PAXIP1: variants seen among roughly 807,000 people sequenced by gnomAD.
PAXIP1 encodes the protein PAX-interacting protein 1.
In PAXIP1, 19 loss-of-function variants were observed where a neutral mutation model predicts 140.6. The observed-to-expected ratio is 0.14, with a 90% CI of 0.09 to 0.20. The LOEUF is 0.20. PAXIP1 is among the 10% of genes least tolerant of loss of function. PAXIP1 has a pLI of 1.00. For missense variants in PAXIP1, 920 were observed against 1,208.6 expected, an observed-to-expected ratio of 0.76 and a Z score of 3.54; for synonymous variants, 442 against 444.6, an observed-to-expected ratio of 0.99 and a Z score of 0.07.
chr7:154,953,550 A>C (rs1438009364), intron 16 of PAXIP1, among the ~76,000 whole-genome samples: 1 of 152,146 alleles, frequency 6.6e-6, no homozygotes, highest in African/African-American at 2.4e-5. Context: ...GGAAGCTGAG[A>C]GGTGCCTGAC....
rs1004173015 is a variant in PAXIP1 at position 154,973,831 on chromosome 7, G to A, written c.1074+1865C>T. ...GTGGAGAATACTGGATCCGGCTTCA[G>A]GTTGTTCCTATATGCTACAGAGCCA... On this transcript the variant is annotated intron_variant, in intron 6 of 20. Coordinates refer to ENST00000404141, the MANE Select transcript of PAXIP1 (RefSeq NM_007349.4). This position sits in a 1 kb window ranked among gnomAD's most constrained non-coding sequence, Gnocchi z 4.0. 1.3e-5 allele frequency among the ~76,000 whole-genome samples: 2 copies of A among 152,222 alleles called. No homozygotes were observed. The highest frequency in any genetic ancestry group is 2.4e-5 in the African/African-American group (1 of 41,456).
rs539498699 is a variant in PAXIP1 at position 154,986,629 on chromosome 7, G to A, written c.325-3297C>T. ...ATTTTTTAGCAACCACAAAATATTA[G>A]TGCTCCCAATGCACTTTTCTTAAAC... On this transcript the variant is annotated intron_variant, in intron 4 of 20. Coordinates refer to ENST00000404141, the MANE Select transcript of PAXIP1 (RefSeq NM_007349.4). The surrounding 1 kb of genome is among the most constrained non-coding windows in gnomAD (Gnocchi z 4.8). Among the ~76,000 whole-genome samples the A allele has an allele frequency of 6.6e-6, 1 of 152,220 alleles. No homozygotes were observed. Among genetic ancestry groups the A allele is most frequent in the South Asian group, 2.1e-4 (1 of 4,828 alleles).
intron 16 of PAXIP1, among the ~76,000 whole-genome samples, chr7:154,953,388 T>G (rs1431874991): frequency 1.3e-5 from 2 of 152,068 alleles, no homozygotes; most frequent in Non-Finnish European, 2.9e-5. Context: ...CATGATGGAG[T>G]AGCCAGGGAG....
rs140775937 is a variant in PAXIP1 at position 154,964,530 on chromosome 7, A to C, written c.1894-764T>G. ...TATAGTTTAATGAGGCACAGGACAA[A>C]ACCACAGGTTCCTCACCCATCCCTG... is the stretch of plus-strand genomic sequence containing the variant. On this transcript the variant is annotated intron_variant, in intron 8 of 20. Coordinates refer to ENST00000404141, the MANE Select transcript of PAXIP1 (RefSeq NM_007349.4). 663 of 152,326 alleles carry C rather than the reference A, an allele frequency of 4.4e-3. 5 individuals are homozygous for C. Among genetic ancestry groups the C allele is most frequent in the South Asian group, 0.021 (101 of 4,834 alleles). 9.4% of individuals were successfully genotyped at this position (152,326 alleles called of 1,614,324 possible). A position where few individuals can be genotyped will look rare whatever the true frequency, so the allele number is the denominator to read the frequency against.
chr7:155,000,994 T>C (rs757735600), intron 1 of PAXIP1: 1 of 152,130 alleles, frequency 6.6e-6, no homozygotes, highest in Non-Finnish European at 1.5e-5. Context: ...CCCCCACCAA[T>C]GAGGGGCGCT....
chr7:154,972,747 T>C (rs1418468155), intron 6 of PAXIP1, among the ~76,000 whole-genome samples: 2 of 152,248 alleles, frequency 1.3e-5, no homozygotes, highest in Non-Finnish European at 2.9e-5. Flanking sequence ...ATCCCACTGC[T>C]GACAGGACAG....
chr7:154,982,106 A>G (rs1809865212), intron 5 of PAXIP1, among the ~76,000 whole-genome samples: 1 of 152,248 alleles, frequency 6.6e-6, no homozygotes, highest in Admixed American at 6.5e-5. Context: ...TTTGCTATAA[A>G]TCAACATTAA....
chr7:154,962,251 C>T, intron 10 of PAXIP1, 70 bp downstream of exon 10: 1 of 1,560,528 alleles, frequency 6.4e-7, no homozygotes, highest in South Asian at 1.1e-5. Context: ...CTCAGGTAAG[C>T]ACTAGCAAGT....
rs976702759 is a variant in PAXIP1, at chr7:155,002,336, C to G, written c.81+513G>C. Among the ~76,000 whole-genome samples the G allele has an allele frequency of 9.8e-5, 15 of 152,302 alleles. No individual in the cohort carries two copies. In the South Asian group the frequency reaches 2.9e-3, roughly 29 times the overall value. On this transcript the variant is annotated intron_variant, in intron 1 of 20. Transcript: ENST00000404141. ...TCCTCAGCCCCGCACAGGACGGCAG[C>G]TGCCCGGGTGGCGGAGGCGGCCAAG...
In PAXIP1 at chr7:154,963,047, A is replaced by AGGAG. The variant is rs1808832518; in HGVS notation, c.1990-590_1990-589insCTCC. ...AAAGCCTGCACCCCGGTAGTTTTAG[A>AGGAG]AAAGCTCTGTAAGGGACCTGGTCTT... On this transcript the variant is annotated intron_variant, in intron 9 of 20. Transcript: ENST00000404141. The surrounding 1 kb of genome is among the most constrained non-coding windows in gnomAD (Gnocchi z 4.1). 6.6e-6 allele frequency among the ~76,000 whole-genome samples: 1 copy of AGGAG among 152,224 alleles called. No individual in the cohort carries two copies. Among genetic ancestry groups the AGGAG allele is most frequent in the African/African-American group, 2.4e-5 (1 of 41,460 alleles).
intron 11 of PAXIP1, 58 bp downstream of exon 11, chr7:154,961,469 A>G: frequency 7.3e-7 from 1 of 1,379,144 alleles, no homozygotes; most frequent in Non-Finnish European, 9.8e-7. Context: ...AATTATTGAA[A>G]TAGCCACTAT....
chr7:154,959,909 A>G lies in PAXIP1; in HGVS notation c.2459T>C (p.Val820Ala), dbSNP rs1368997916. Residue 820 changes from valine to alanine, a missense_variant, in exon 13 of 21, where the codon GTG becomes GCG. Physicochemically the swap from Val to Ala is moderately conservative, Grantham distance 64. Around this residue, in one of 5 missense-constraint regions of PAXIP1, gnomAD observed 303 missense variants for 517.9 expected, o/e 0.59. Coordinates refer to ENST00000404141, the MANE Select transcript of PAXIP1 (RefSeq NM_007349.4). Reference sequence around the variant, plus strand: ...ACATACCATCAACAACTCTGCAGACACTTTTAAGGGAACTCTCCAAGCATC... The same window carrying G: ...ACATACCATCAACAACTCTGCAGACGCTTTTAAGGGAACTCTCCAAGCATC... ...LLDAWRVPLK[V>A]SAELLMSIRL... The G allele has an allele frequency of 6.2e-7, 1 of 1,603,198 alleles. No individual in the cohort carries two copies. Among genetic ancestry groups the G allele is most frequent in the Non-Finnish European group, 8.5e-7 (1 of 1,170,250 alleles).
In PAXIP1 at chr7:154,954,177, G is replaced by A; in HGVS notation, c.2821+78C>T. 1.0e-6 allele frequency: 1 copy of A among 967,662 alleles called. No individual in the cohort carries two copies. Among genetic ancestry groups the A allele is most frequent in the East Asian group, 2.8e-5 (1 of 35,614 alleles). The allele number at this position is 967,662 out of a possible 1,614,324, so 59.9% of individuals were successfully genotyped here. A position where few individuals can be genotyped will look rare whatever the true frequency, so the allele number is the denominator to read the frequency against. On this transcript the variant is annotated intron_variant, in intron 16 of 20. Coordinates refer to ENST00000404141, the MANE Select transcript of PAXIP1 (RefSeq NM_007349.4). The surrounding 1 kb of genome is among the most constrained non-coding windows in gnomAD (Gnocchi z 5.1). The stretch of plus-strand genomic sequence containing the variant: ...ATAGTTTAAAAATTAAATATTTGTT[G>A]GGATGAAAAGAGATGAATTCAAGAA...
intron 16 of PAXIP1, chr7:154,950,561 G>A (rs1321128084): frequency 6.6e-6 from 1 of 152,242 alleles, no homozygotes; most frequent in Non-Finnish European, 1.5e-5. Flanking sequence ...CACTTCAGAA[G>A]ACAGCCTGGC....
chr7:154,979,538 G>A (rs999153167), intron 5 of PAXIP1, among the ~76,000 whole-genome samples: 17 of 151,896 alleles, frequency 1.1e-4, no homozygotes, highest in African/African-American at 3.4e-4. Context: ...TTAAAGGAAT[G>A]ATAAAAATTA....
At chr7:154,947,143 A>T (rs534753553) in intron 17 of PAXIP1, 5 of 205,900 alleles carry the variant, frequency 2.4e-5, no homozygotes, top group African/African-American at 1.2e-4. Context: ...AATCAGCATT[A>T]TATTTCACCA....
At chr7:154,992,664 A>C (rs1810400221) in intron 3 of PAXIP1, among the ~76,000 whole-genome samples, 1 of 152,156 alleles carries the variant, frequency 6.6e-6, no homozygotes, top group Non-Finnish European at 1.5e-5. Context: ...GAACAACAAA[A>C]TCAGCCTCTT....
chr7:154,957,114 C>G (rs574040567), intron 14 of PAXIP1, 110 bp downstream of exon 14: 25 of 581,660 alleles, frequency 4.3e-5, no homozygotes, highest in Middle Eastern at 2.9e-4. Flanking sequence ...CAAACTCTTT[C>G]AAATCTTATT....
chr7:154,990,949 C>G lies in PAXIP1; in HGVS notation c.324+57G>C, dbSNP rs1442886359. On this transcript the variant is annotated intron_variant, in intron 4 of 20. Coordinates refer to ENST00000404141, the MANE Select transcript of PAXIP1 (RefSeq NM_007349.4). ...TTAACAGGTCATAAATCCAACCATA[C>G]AAAAACTCAGAAGTGTCACATATAA... The G allele has an allele frequency of 1.1e-5, 12 of 1,058,896 alleles. No homozygotes were observed. In the East Asian group the frequency reaches 1.6e-4, roughly 14 times the overall value. 65.6% of individuals were successfully genotyped at this position (1,058,896 alleles called of 1,614,324 possible).
Sources: allele counts gnomAD v4.1 joint callset (sites outside exome capture counted in the v4.1 genomes callset), GRCh38; gene constraint gnomAD v4.1.1; regional missense constraint gnomAD v4.1.1; non-coding constraint Gnocchi (gnomAD v3.1); transcripts MANE v1.5; gene names NCBI Gene and HGNC (gene_info 2026-07-23, HGNC 2026-07-21).